ARHGAP6: variants seen among roughly 807,000 people sequenced by gnomAD.
ARHGAP6 encodes rho GTPase-activating protein 6.
ARHGAP6 carries 16 observed loss-of-function variants against 55.7 expected under a neutral mutation model. The ratio of observed to expected loss-of-function variants is 0.29; its 90% CI spans 0.19 to 0.44. The LOEUF (loss-of-function observed/expected upper bound fraction) is 0.44. Ranked by LOEUF, ARHGAP6 falls within the 20% of genes least tolerant of loss-of-function variation. ARHGAP6 has a pLI of 1.00. For synonymous variants in ARHGAP6, 382 were observed against 360.9 expected, an observed-to-expected ratio of 1.06 and a Z score of -0.66; for missense variants, 698 against 808.9, an observed-to-expected ratio of 0.86 and a Z score of 1.66.
In ARHGAP6 at chrX:11,653,678, C is replaced by A. The variant is rs1034590135; in HGVS notation, c.588+10563G>T. Among the ~76,000 whole-genome samples the A allele has an allele frequency of 4.5e-5, 5 of 112,061 alleles. No homozygotes were observed. The South Asian group carries it at 1.5e-3, about 33-fold the overall frequency. The stretch of plus-strand genomic sequence containing the variant: ...TCACAAAAACTCTTTGAGGTAGGCA[C>A]TTTCATCATTCTCATTTGATAGATG... On this transcript the variant is annotated intron_variant, in intron 1 of 12. Coordinates refer to ENST00000337414, the MANE Select transcript of ARHGAP6 (RefSeq NM_013427.3).
At chrX:11,545,305 C>A (rs1437681297) in intron 1 of ARHGAP6, among the ~76,000 whole-genome samples, 2 of 112,326 alleles carry the variant, frequency 1.8e-5, no homozygotes, top group Admixed American at 1.9e-4. Context: ...AGATATTGTG[C>A]TTCTTATTTG....
Position 11,439,679 on chromosome X carries a change from A to G in ARHGAP6, c.589-184972T>C, listed in dbSNP as rs2050021969. On this transcript the variant is annotated intron_variant, in intron 1 of 12. Coordinates refer to ENST00000337414, the MANE Select transcript of ARHGAP6 (RefSeq NM_013427.3). ...TTTATAGTCTGGAAACAGGCAACTT[A>G]CCAAAGAGAAACCAGACTGCTTAGA... is the stretch of plus-strand genomic sequence containing the variant. Among the ~76,000 whole-genome samples, 5 of 112,495 alleles carry G rather than the reference A, an allele frequency of 4.4e-5. No homozygotes were observed. The Admixed American group carries it at 4.7e-4, about 11-fold the overall frequency.
intron 1 of ARHGAP6, among the ~76,000 whole-genome samples, chrX:11,638,045 T>C (rs1302541340): frequency 9.0e-6 from 1 of 111,461 alleles, no homozygotes. Context: ...AACCAGAGGC[T>C]TAGGCAGATA....
chrX:11,541,562 T>C (rs187863226), intron 1 of ARHGAP6, among the ~76,000 whole-genome samples: 36 of 112,096 alleles, frequency 3.2e-4, no homozygotes, highest in African/African-American at 1.2e-3. Flanking sequence ...ATCAGAAATA[T>C]AGAAATTAAA....
chrX:11,395,780 C>A (rs1011486514), intron 1 of ARHGAP6, among the ~76,000 whole-genome samples: 14 of 111,977 alleles, frequency 1.3e-4, no homozygotes, highest in African/African-American at 4.5e-4. Flanking sequence ...ATTCTAATGG[C>A]AAAATCATCT....
intron 1 of ARHGAP6, among the ~76,000 whole-genome samples, chrX:11,401,962 T>C (rs1450383320): frequency 8.9e-6 from 1 of 112,074 alleles, no homozygotes; most frequent in Non-Finnish European, 1.9e-5. Context: ...AATTCAGTGG[T>C]GTTATTATTT....
At chrX:11,505,523 G>A (rs1001599549) in intron 1 of ARHGAP6, among the ~76,000 whole-genome samples, 2 of 110,749 alleles carry the variant, frequency 1.8e-5, no homozygotes, top group South Asian at 3.9e-4. Flanking sequence ...CAGAACCAAC[G>A]TTCAACCCAG....
At chrX:11,500,304 A>G in intron 1 of ARHGAP6, among the ~76,000 whole-genome samples, 1 of 107,170 alleles carries the variant, frequency 9.3e-6, no homozygotes, top group Non-Finnish European at 1.9e-5. Flanking sequence ...CACTGAGAAT[A>G]AAATACCCTT....
chrX:11,360,977 C>CA (rs1193311717), intron 1 of ARHGAP6, among the ~76,000 whole-genome samples: 1 of 111,074 alleles, frequency 9.0e-6, no homozygotes, highest in Non-Finnish European at 1.9e-5. Context: ...AGGAGAACTA[C>CA]AAACCACTGC....
chrX:11,214,603 A>C, intron 2 of ARHGAP6, among the ~76,000 whole-genome samples: 1 of 112,891 alleles, frequency 8.9e-6, no homozygotes. Context: ...GAGCTGGAAT[A>C]TCGTGGGGAC....
chrX:11,296,450 G>A (rs1049137357), intron 1 of ARHGAP6, among the ~76,000 whole-genome samples: 2 of 111,480 alleles, frequency 1.8e-5, no homozygotes, highest in African/African-American at 3.3e-5. Flanking sequence ...GGGCGTGGGG[G>A]TGGGATGCTG....
chrX:11,361,397 A>G (rs1346342055), intron 1 of ARHGAP6, among the ~76,000 whole-genome samples: 3 of 111,383 alleles, frequency 2.7e-5, no homozygotes, highest in Non-Finnish European at 3.8e-5. Context: ...AAAACAAGCA[A>G]TGGGGAAAGG....
chrX:11,192,124 T>C (rs2046469057), intron 3 of ARHGAP6, among the ~76,000 whole-genome samples: 1 of 111,855 alleles, frequency 8.9e-6, no homozygotes, highest in African/African-American at 3.3e-5. Context: ...TATCTGGATG[T>C]CCCAAAGGCA....
chrX:11,391,821 A>C (rs1414725846), intron 1 of ARHGAP6, among the ~76,000 whole-genome samples: 1 of 112,266 alleles, frequency 8.9e-6, no homozygotes, highest in Non-Finnish European at 1.9e-5. Context: ...TCTTCGTAAA[A>C]TGCAGATTCT....
chrX:11,590,751 G>C (rs1415106660), intron 1 of ARHGAP6, among the ~76,000 whole-genome samples: 7 of 92,574 alleles, frequency 7.6e-5, no homozygotes, highest in African/African-American at 2.9e-4. Context: ...ACTCCAGCCT[G>C]GGTGACAGAG....
intron 1 of ARHGAP6, among the ~76,000 whole-genome samples, chrX:11,613,655 TCTATAATTCAA>T (rs1210288318): frequency 8.9e-6 from 1 of 112,306 alleles, no homozygotes; most frequent in Non-Finnish European, 1.9e-5. Context: ...GCATTCCCTG[TCTATAATTCAA>T]CTATAAATCT....
At chrX:11,492,052 G>A (rs1201224159) in intron 1 of ARHGAP6, among the ~76,000 whole-genome samples, 2 of 106,458 alleles carry the variant, frequency 1.9e-5, no homozygotes, top group Non-Finnish European at 3.8e-5. Context: ...CCCAGTTTTC[G>A]ATGGGGTTGT....
chrX:11,653,967 CCAT>C (rs750567696), intron 1 of ARHGAP6, among the ~76,000 whole-genome samples: 2 of 111,439 alleles, frequency 1.8e-5, no homozygotes, highest in African/African-American at 6.5e-5. Flanking sequence ...TTGTTTGTCA[CCAT>C]CATCATCATC....
chrX:11,391,830 C>G (rs766813476), intron 1 of ARHGAP6, among the ~76,000 whole-genome samples: 29 of 111,922 alleles, frequency 2.6e-4, no homozygotes, highest in Non-Finnish European at 4.3e-4. Context: ...AATGCAGATT[C>G]TAATTGAGTG....
Sources: allele counts gnomAD v4.1 joint callset (sites outside exome capture counted in the v4.1 genomes callset), GRCh38; gene constraint gnomAD v4.1.1; transcripts MANE v1.5; gene names NCBI Gene and HGNC (gene_info 2026-07-23, HGNC 2026-07-21).